The following ZSWIM7 variants were observed in gnomAD, a reference collection of about 807,000 sequenced individuals.
ZSWIM7 encodes the protein zinc finger SWIM domain-containing protein 7.
ZSWIM7 carries 22 observed loss-of-function variants against 21.1 expected under a neutral mutation model. The ratio of observed to expected loss-of-function variants is 1.04; its 90% CI spans 0.74 to 1.49. The LOEUF is 1.49. Ranked by LOEUF, ZSWIM7 falls within the 40% of genes most tolerant of loss-of-function variation. The pLI is 0.00. For synonymous variants in ZSWIM7, 67 were observed against 66.5 expected (o/e 1.01, Z -0.04); for missense variants, 193 against 168.0 (o/e 1.15, Z -0.82).
intron 4 of ZSWIM7, among the ~76,000 whole-genome samples, chr17:15,978,409 C>T (rs1970305262): frequency 6.6e-6 from 1 of 152,106 alleles, no homozygotes; most frequent in Admixed American, 6.5e-5. Flanking sequence ...ACCAGTCTGG[C>T]TGATATGGCA....
intron 3 of ZSWIM7, among the ~76,000 whole-genome samples, chr17:15,982,109 T>C (rs1429822593): frequency 6.6e-6 from 1 of 151,910 alleles, no homozygotes; most frequent in Non-Finnish European, 1.5e-5. Context: ...AGGACACTGA[T>C]ACATAGTGGG....
At chr17:15,992,986 C>G (rs1343093865) in intron 2 of ZSWIM7, among the ~76,000 whole-genome samples, 1 of 152,180 alleles carries the variant, frequency 6.6e-6, no homozygotes, top group Middle Eastern at 3.2e-3. Flanking sequence ...TCAAGCAATT[C>G]TCCTGCCTTA....
At chr17:15,978,314 T>C (rs577214583) in intron 4 of ZSWIM7, 151 bp from the exon 5 acceptor site, 5 of 643,076 alleles carry the variant, frequency 7.8e-6, no homozygotes, top group Admixed American at 4.8e-5. Flanking sequence ...AAAGTGCAGA[T>C]GGGCCGGGCA....
chr17:15,992,709 G>A (rs1010503373), intron 2 of ZSWIM7, among the ~76,000 whole-genome samples: 3 of 152,008 alleles, frequency 2.0e-5, no homozygotes, highest in Admixed American at 2.0e-4. Context: ...AAAATGCTGC[G>A]ATTACAGGCG....
At position 15,999,274 on chromosome 17, in the gene ZSWIM7, G is replaced by C. The variant is rs968572888; in HGVS notation, c.76+245C>G. 4.6e-5 allele frequency: 29 copies of C among 623,806 alleles called. 1 individual carries two copies. The East Asian group carries it at 8.2e-4, about 18-fold the overall frequency. 38.6% of individuals were successfully genotyped at this position (623,806 alleles called of 1,614,324 possible). ...TCCCCACTGGCCTACTCGCTCCGAC[G>C]GAGGGGCTCCTGCAACTGCGCTGTA... On this transcript the variant is annotated intron_variant, in intron 1 of 4. Coordinates refer to ENST00000399277, the MANE Select transcript of ZSWIM7 (RefSeq NM_001042697.2).
At chr17:15,982,317 G>A (rs1322453427) in intron 3 of ZSWIM7, among the ~76,000 whole-genome samples, 1 of 152,164 alleles carries the variant, frequency 6.6e-6, no homozygotes, top group Non-Finnish European at 1.5e-5. Context: ...CCCACCTGGA[G>A]GCGTAAGATT....
intron 4 of ZSWIM7, 144 bp downstream of exon 4, chr17:15,980,896 T>A: frequency 3.8e-6 from 2 of 524,684 alleles, no homozygotes; most frequent in Admixed American, 3.2e-5. Context: ...CCCTAAGAGG[T>A]GACTAACTGA....
chr17:15,982,071 C>T (rs1970362278), intron 3 of ZSWIM7, among the ~76,000 whole-genome samples: 1 of 152,068 alleles, frequency 6.6e-6, no homozygotes, highest in Non-Finnish European at 1.5e-5. Flanking sequence ...AGGCCCAGAT[C>T]TGCCTACTCA....
At chr17:15,993,570 G>A (rs975265586) in intron 2 of ZSWIM7, among the ~76,000 whole-genome samples, 187 bp downstream of exon 2, 12 of 151,584 alleles carry the variant, frequency 7.9e-5, no homozygotes, top group Non-Finnish European at 1.3e-4. Flanking sequence ...GTTTCACCAT[G>A]TTGGCCAGGA....
chr17:15,996,051 C>T (rs1479877546), intron 1 of ZSWIM7, among the ~76,000 whole-genome samples: 1 of 152,134 alleles, frequency 6.6e-6, no homozygotes, highest in Non-Finnish European at 1.5e-5. Context: ...AATACCTAGA[C>T]AAACAATCAC....
At chr17:15,993,703 G>T in intron 2 of ZSWIM7, 54 bp downstream of exon 2, 1 of 1,293,996 alleles carries the variant, frequency 7.7e-7, no homozygotes, top group Non-Finnish European at 1.1e-6. Context: ...ATGTTGAAAG[G>T]ATTTTAACAT....
At chr17:15,982,034 C>T (rs1248984585) in intron 3 of ZSWIM7, among the ~76,000 whole-genome samples, 1 of 152,118 alleles carries the variant, frequency 6.6e-6, no homozygotes, top group African/African-American at 2.4e-5. Flanking sequence ...CTCAGCTGTT[C>T]AGGATGGAGG....
chr17:15,988,728 A>G lies in ZSWIM7; in HGVS notation c.99-1360T>C, dbSNP rs138688631. On this transcript the variant is annotated intron_variant, in intron 2 of 4. Coordinates refer to ENST00000399277, the MANE Select transcript of ZSWIM7 (RefSeq NM_001042697.2). ...CCCACCAGCACTGTATAAGACTTCT[A>G]TTTTCTCAGGCCGGGCGCGGTGGCT... Among the ~76,000 whole-genome samples, 96 of 152,092 alleles carry G rather than the reference A, an allele frequency of 6.3e-4. 1 individual carries two copies. The highest frequency in any genetic ancestry group is 3.4e-3 in the Middle Eastern group (1 of 294).
At chr17:15,995,316 G>A (rs1462025616) in intron 1 of ZSWIM7, among the ~76,000 whole-genome samples, 1 of 150,920 alleles carries the variant, frequency 6.6e-6, no homozygotes, top group African/African-American at 2.4e-5. Flanking sequence ...TGCCCAGGCT[G>A]GAGTACAATG....
intron 2 of ZSWIM7, among the ~76,000 whole-genome samples, chr17:15,993,120 C>A (rs1003262008): frequency 1.3e-5 from 2 of 152,030 alleles, no homozygotes; most frequent in African/African-American, 2.4e-5. Flanking sequence ...TCAAGTGATC[C>A]ACCCACCTCA....
intron 2 of ZSWIM7, among the ~76,000 whole-genome samples, chr17:15,989,619 TTTTG>T (rs1228513690): frequency 1.1e-4 from 16 of 151,608 alleles, no homozygotes; most frequent in East Asian, 3.9e-4. Context: ...TGTCTGGCCT[TTTTG>T]TTTGTTTGTT....
Position 15,998,607 on chromosome 17 carries a change from A to G in ZSWIM7, c.76+912T>C, listed in dbSNP as rs538388055. On this transcript the variant is annotated intron_variant, in intron 1 of 4. Coordinates refer to ENST00000399277, the MANE Select transcript of ZSWIM7 (RefSeq NM_001042697.2). ...GATCTTATCCTAGCATACTCTGAACACATCTTGAGATCAACCCTTCTCAAG... is the reference window on the plus strand; with the variant it reads ...GATCTTATCCTAGCATACTCTGAACGCATCTTGAGATCAACCCTTCTCAAG... Among the ~76,000 whole-genome samples, 20 of 152,278 alleles carry G rather than the reference A, an allele frequency of 1.3e-4. 1 individual carries two copies.
intron 4 of ZSWIM7, among the ~76,000 whole-genome samples, chr17:15,979,427 T>G (rs576883819): frequency 3.3e-5 from 5 of 152,376 alleles, no homozygotes; most frequent in Non-Finnish European, 7.3e-5. Flanking sequence ...TTTCTCAATC[T>G]TTTCCCTACC....
intron 2 of ZSWIM7, among the ~76,000 whole-genome samples, chr17:15,989,319 T>A (rs945944287): frequency 7.9e-5 from 12 of 152,056 alleles, no homozygotes; most frequent in Non-Finnish European, 1.5e-4. Flanking sequence ...ATTAAAAGTT[T>A]AATTTTTTTT....
Sources: gnomAD v4.1 joint callset for allele counts (sites outside exome capture counted in the v4.1 genomes callset) on GRCh38, gnomAD v4.1.1 for gene constraint, MANE v1.5 for transcripts, NCBI Gene and HGNC (gene_info 2026-07-23, HGNC 2026-07-21) for gene names.